SHISA9: variants seen among roughly 807,000 people sequenced by gnomAD.
SHISA9 encodes shisa family member 9, also known as protein shisa-9.
Under a neutral mutation model 38.0 loss-of-function variants are expected in SHISA9, and 13 were observed. That is an observed-to-expected ratio of 0.34 (90% confidence interval 0.22 to 0.54). SHISA9 has a LOEUF of 0.54. SHISA9 is among the 20% of genes least tolerant of loss of function. The probability of loss-of-function intolerance (pLI) is 0.91; values close to 1 mark genes in which losing one functional copy is unlikely to be tolerated. For synonymous variants in SHISA9, 275 were observed against 242.0 expected (o/e 1.14, Z -1.27); for missense variants, 538 against 575.8 (o/e 0.93, Z 0.67).
the SHISA9 span, among the ~76,000 whole-genome samples, chr16:13,383,010 A>G: frequency 2.6e-5 from 4 of 152,228 alleles, no homozygotes; most frequent in Non-Finnish European, 4.4e-5. Flanking sequence ...GTTGCGTGTC[A>G]GGCACTATTC....
chr16:13,324,365 G>C, the SHISA9 span, among the ~76,000 whole-genome samples: 6 of 152,084 alleles, frequency 3.9e-5, no homozygotes, highest in Non-Finnish European at 8.8e-5. Context: ...TCAAGAGTTG[G>C]TAAATAGTTA....
chr16:13,494,156 AAG>A, the SHISA9 span, among the ~76,000 whole-genome samples: 15 of 152,244 alleles, frequency 9.9e-5, no homozygotes, highest in African/African-American at 3.4e-4. Context: ...CTGATGAGAC[AAG>A]AGCTAGACAC....
intron 4 of SHISA9, among the ~76,000 whole-genome samples, chr16:13,227,748 G>A (rs775542547): frequency 2.0e-5 from 3 of 152,140 alleles, no homozygotes; most frequent in Non-Finnish European, 4.4e-5. Context: ...AAGCTTCCCT[G>A]ACCACCAACT....
At chr16:13,049,382 G>A (rs1567195118) in intron 2 of SHISA9, among the ~76,000 whole-genome samples, 1 of 152,096 alleles carries the variant, frequency 6.6e-6, no homozygotes, top group South Asian at 2.1e-4. Context: ...TGTCTATCAG[G>A]TGCCTAGCCC....
At chr16:13,418,652 C>A in the SHISA9 span, among the ~76,000 whole-genome samples, 1 of 152,146 alleles carries the variant, frequency 6.6e-6, no homozygotes, top group African/African-American at 2.4e-5. Context: ...TGATGTGGGG[C>A]AAACTGGGAT....
intron 2 of SHISA9, among the ~76,000 whole-genome samples, chr16:12,976,709 C>G (rs1047320241): frequency 6.6e-6 from 1 of 152,022 alleles, no homozygotes; most frequent in Non-Finnish European, 1.5e-5. Context: ...AAGTAAGTAA[C>G]AAGCAGGTTT....
chr16:13,423,315 G>A, the SHISA9 span, among the ~76,000 whole-genome samples: 1 of 152,280 alleles, frequency 6.6e-6, no homozygotes, highest in East Asian at 1.9e-4. Context: ...ATTTACCCTG[G>A]AGATTGTTTT....
chr16:12,902,656 C>A (rs1439028680), intron 1 of SHISA9, 29 bp downstream of exon 1: 5 of 1,511,530 alleles, frequency 3.3e-6, no homozygotes, highest in Non-Finnish European at 4.4e-6. Context: ...GCCCTCCCCT[C>A]GGGGCTTCGC....
chr16:13,091,771 G>T (rs903769188), intron 2 of SHISA9, among the ~76,000 whole-genome samples: 13 of 152,172 alleles, frequency 8.5e-5, no homozygotes, highest in Non-Finnish European at 1.6e-4. Flanking sequence ...GGAGAAGTTT[G>T]TTACTACCGA....
At chr16:13,019,819 TCTTTCTTTCTTTC>T (rs1567183844) in intron 2 of SHISA9, among the ~76,000 whole-genome samples, 5 of 140,326 alleles carry the variant, frequency 3.6e-5, no homozygotes, top group Non-Finnish European at 7.7e-5. Flanking sequence ...TTTCTTTCTT[TCTTTCTTTCTTTC>T]TTTTTCCTTC....
chr16:13,078,379 T>C (rs1218438092), intron 2 of SHISA9, among the ~76,000 whole-genome samples: 1 of 152,068 alleles, frequency 6.6e-6, no homozygotes, highest in African/African-American at 2.4e-5. Context: ...TTGTATTATT[T>C]TTTATTGTTG....
At chr16:13,379,609 A>C in the SHISA9 span, among the ~76,000 whole-genome samples, 1 of 152,312 alleles carries the variant, frequency 6.6e-6, no homozygotes, top group South Asian at 2.1e-4. Flanking sequence ...GTAATGTCTT[A>C]TTCCCTTCTC....
In SHISA9 at chr16:13,133,591, G is replaced by A. The variant is rs140641508; in HGVS notation, c.692-69803G>A. On this transcript the variant is annotated intron_variant, in intron 2 of 4. Coordinates refer to ENST00000558583, the MANE Select transcript of SHISA9 (RefSeq NM_001145204.3). Reference sequence around the variant, plus strand: ...GCAAGCCCCATTGTATATGAAAAGCGGACTATTTTCTTCCTTTCCTGAATG... The same window carrying A: ...GCAAGCCCCATTGTATATGAAAAGCAGACTATTTTCTTCCTTTCCTGAATG... Among the ~76,000 whole-genome samples the A allele has an allele frequency of 3.5e-3, 534 of 152,248 alleles. 3 individuals carry two copies. The highest frequency in any genetic ancestry group is 0.012 in the African/African-American group (511 of 41,540).
chr16:13,351,285 G>A, the SHISA9 span, among the ~76,000 whole-genome samples: 3 of 152,146 alleles, frequency 2.0e-5, no homozygotes, highest in African/African-American at 7.2e-5. Flanking sequence ...GACAGACGAC[G>A]TTAAAGCTAC....
chr16:13,280,182 T>G, the SHISA9 span, among the ~76,000 whole-genome samples: 42 of 149,832 alleles, frequency 2.8e-4, no homozygotes, highest in Non-Finnish European at 4.9e-4. Flanking sequence ...ATTGAAACTT[T>G]CAAAAAGCCA....
chr16:13,353,342 C>T, the SHISA9 span, among the ~76,000 whole-genome samples: 4 of 152,182 alleles, frequency 2.6e-5, no homozygotes, highest in Admixed American at 1.3e-4. Context: ...AGAATTGGGA[C>T]GACTCAGGAT....
chr16:13,364,085 C>G, the SHISA9 span, among the ~76,000 whole-genome samples: 1 of 152,204 alleles, frequency 6.6e-6, no homozygotes, highest in South Asian at 2.1e-4. Context: ...AAAAAAGCCA[C>G]AGATGTTTCT....
At chr16:13,540,912 T>C in the SHISA9 span, among the ~76,000 whole-genome samples, 11 of 152,346 alleles carry the variant, frequency 7.2e-5, no homozygotes, top group East Asian at 1.9e-3. Context: ...GCTGTGGCTT[T>C]GATCCCCAAC....
intron 2 of SHISA9, among the ~76,000 whole-genome samples, chr16:12,972,729 C>A (rs2072101044): frequency 6.6e-6 from 1 of 152,148 alleles, no homozygotes. Flanking sequence ...TAGCTATCGG[C>A]TACCATATTG....
Sources: gnomAD v4.1 joint callset for allele counts (sites outside exome capture counted in the v4.1 genomes callset) on GRCh38, gnomAD v4.1.1 for gene constraint, MANE v1.5 for transcripts, NCBI Gene and HGNC (gene_info 2026-07-23, HGNC 2026-07-21) for gene names.